Variants in ARMC2 observed in about 807,000 individuals in gnomAD.
The protein encoded by ARMC2 is armadillo repeat containing 2, also known as armadillo repeat-containing protein 2.
A neutral mutation model predicts 90.3 loss-of-function variants in ARMC2; 67 were observed. The observed-to-expected ratio is 0.74, with a 90% CI of 0.61 to 0.91. The LOEUF (loss-of-function observed/expected upper bound fraction) is 0.91, where lower values mean the gene tolerates loss of function less well. ARMC2 is among the 40% of genes least tolerant of loss of function. The pLI is 0.00. For missense variants in ARMC2, 920 were observed against 1,030.9 expected, an observed-to-expected ratio of 0.89 and a Z score of 1.47; for synonymous variants, 393 against 393.0, an observed-to-expected ratio of 1.00 and a Z score of 0.00.
chr6:108,857,149 C>G (rs1261482951), intron 2 of ARMC2, among the ~76,000 whole-genome samples: 1 of 152,136 alleles, frequency 6.6e-6, no homozygotes, highest in African/African-American at 2.4e-5. Context: ...ATCTATAGAT[C>G]AAGTTGGGAA....
intron 5 of ARMC2, among the ~76,000 whole-genome samples, chr6:108,890,444 G>C (rs1376759561): frequency 1.3e-5 from 2 of 152,138 alleles, no homozygotes; most frequent in Admixed American, 1.3e-4. Context: ...AGGAAACCAG[G>C]CTCAGCGCAG....
chr6:108,879,370 C>T (rs535107691), intron 5 of ARMC2, among the ~76,000 whole-genome samples: 41 of 151,144 alleles, frequency 2.7e-4, no homozygotes, highest in African/African-American at 9.7e-4. Flanking sequence ...TACCCATCCA[C>T]CTATCCACCC....
At chr6:108,906,606 G>C (rs2768568) in intron 8 of ARMC2, among the ~76,000 whole-genome samples, 74,493 of 151,726 alleles carry the variant, frequency 0.49, 20,025 homozygotes, top group Admixed American at 0.61. Flanking sequence ...TCAGCCTCCC[G>C]AGGAGCTTAG....
At chr6:108,978,571 A>G (rs927750777), downstream of ARMC2, among the ~76,000 whole-genome samples, 10 of 152,212 alleles carry the variant, frequency 6.6e-5, no homozygotes, top group African/African-American at 2.4e-4. Flanking sequence ...TGTCTCATTG[A>G]TCTTTCTAAT....
chr6:108,904,212 C>T lies in ARMC2; in HGVS notation c.848-18C>T. 3 of 1,611,914 alleles carry T rather than the reference C, an allele frequency of 1.9e-6. No homozygotes were observed. Among genetic ancestry groups the T allele is most frequent in the Non-Finnish European group, 2.5e-6 (3 of 1,179,180 alleles). ...ACCTTAATTAGTAAGTGTTGCTTTA[C>T]TCTCTTTGCTCTGACAGAAGAAAAC... is the stretch of plus-strand genomic sequence containing the variant. On this transcript the variant is annotated intron_variant, in intron 7 of 17. Coordinates refer to ENST00000392644, the MANE Select transcript of ARMC2 (RefSeq NM_032131.6).
At chr6:108,928,345 C>A in intron 11 of ARMC2, 112 bp downstream of exon 11, 1 of 1,147,536 alleles carries the variant, frequency 8.7e-7, no homozygotes, top group Non-Finnish European at 1.2e-6. Flanking sequence ...CTTCTTTTTA[C>A]TTCGCCTACC....
At chr6:108,883,969 A>T (rs577449158) in intron 5 of ARMC2, among the ~76,000 whole-genome samples, 5 of 152,284 alleles carry the variant, frequency 3.3e-5, no homozygotes, top group Non-Finnish European at 7.4e-5. Context: ...TAATTTTTTT[A>T]AAATCTTCTT....
At chr6:108,866,284 A>G (rs1562329739) in intron 3 of ARMC2, among the ~76,000 whole-genome samples, 2 of 152,192 alleles carry the variant, frequency 1.3e-5, no homozygotes, top group African/African-American at 2.4e-5. Context: ...TTCTGTTCCT[A>G]TTAGCTTCAT....
At chr6:109,052,542 T>G in the ARMC2 span, among the ~76,000 whole-genome samples, 44 of 152,326 alleles carry the variant, frequency 2.9e-4, no homozygotes, top group Admixed American at 2.0e-3. Context: ...AATGTTCACT[T>G]AAAGTTTTAA....
chr6:108,886,075 C>T (rs1293495125), intron 5 of ARMC2, among the ~76,000 whole-genome samples: 1 of 152,170 alleles, frequency 6.6e-6, no homozygotes, highest in Non-Finnish European at 1.5e-5. Flanking sequence ...GTGTCTTTTT[C>T]TTATGGCAAG....
At chr6:108,935,434 T>A (rs550618559) in intron 11 of ARMC2, among the ~76,000 whole-genome samples, 29 of 152,208 alleles carry the variant, frequency 1.9e-4, no homozygotes, top group African/African-American at 6.7e-4. Context: ...TGAGTATTTA[T>A]AAGTTTTTTT....
chr6:108,893,815 G>GGC (rs1274772499), intron 5 of ARMC2, among the ~76,000 whole-genome samples: 3 of 151,858 alleles, frequency 2.0e-5, no homozygotes, highest in African/African-American at 7.3e-5. Flanking sequence ...TCAGGAGTTT[G>GGC]AGAACAGCCT....
At chr6:109,014,048 C>T in the ARMC2 span, among the ~76,000 whole-genome samples, 3 of 150,910 alleles carry the variant, frequency 2.0e-5, no homozygotes, top group Non-Finnish European at 4.4e-5. Context: ...AATTATATCA[C>T]TTTAAAGGAG....
intron 13 of ARMC2, among the ~76,000 whole-genome samples, chr6:108,961,043 G>T (rs533285099): frequency 6.6e-6 from 1 of 152,222 alleles, no homozygotes; most frequent in Non-Finnish European, 1.5e-5. Context: ...AGGCAAAAGT[G>T]GAAGAAGAGA....
At position 108,961,940 on chromosome 6, in the gene ARMC2, T is replaced by C. The variant is rs1465212535; in HGVS notation, c.2039-74T>C. 5.4e-6 allele frequency: 6 copies of C among 1,110,322 alleles called. No homozygotes were observed. In the East Asian group the frequency reaches 1.5e-4, roughly 28 times the overall value. 68.8% of individuals were successfully genotyped at this position (1,110,322 alleles called of 1,614,324 possible). A position where few individuals can be genotyped will look rare whatever the true frequency, so the allele number is the denominator to read the frequency against. ...ATTTGAAAATCATCAGTATTAAGTA[T>C]GATGTTGATTTCCATTAACCTTTAA... On this transcript the variant is annotated intron_variant, in intron 14 of 17. Coordinates refer to ENST00000392644, the MANE Select transcript of ARMC2 (RefSeq NM_032131.6).
chr6:108,969,403 CAT>C (rs138986180), intron 17 of ARMC2, among the ~76,000 whole-genome samples: 27,430 of 152,086 alleles, frequency 0.18, 2,848 homozygotes, highest in African/African-American at 0.29. Flanking sequence ...ACCATTGATA[CAT>C]ATTTATATTT....
chr6:109,008,478 AAAGTGTCTTCATTT>A, the ARMC2 span, among the ~76,000 whole-genome samples: 1 of 152,264 alleles, frequency 6.6e-6, no homozygotes, highest in East Asian at 1.9e-4. Context: ...CCTTCATGAC[AAAGTGTCTTCATTT>A]AAGTTTCTAT....
chr6:108,915,937 A>G lies in ARMC2; in HGVS notation c.1350+3379A>G, dbSNP rs188600858. 4.0e-3 allele frequency among the ~76,000 whole-genome samples: 615 copies of G among 152,270 alleles called. 1 individual carries two copies. Among genetic ancestry groups the G allele is most frequent in the Non-Finnish European group, 7.2e-3 (489 of 68,020 alleles). On this transcript the variant is annotated intron_variant, in intron 10 of 17. Coordinates refer to ENST00000392644, the MANE Select transcript of ARMC2 (RefSeq NM_032131.6). ...AGAACGTATCCGTGATACATGACAG[A>G]TTGGAGGGCTAAGATCTCAAACACA...
intron 2 of ARMC2, among the ~76,000 whole-genome samples, chr6:108,855,360 T>C (rs1279534776): frequency 6.6e-6 from 1 of 151,598 alleles, no homozygotes. Context: ...GCCATTCTCC[T>C]GCCTCAGCCT....
Sources: allele counts gnomAD v4.1 joint callset (sites outside exome capture counted in the v4.1 genomes callset), GRCh38; gene constraint gnomAD v4.1.1; transcripts MANE v1.5; gene names NCBI Gene and HGNC (gene_info 2026-07-23, HGNC 2026-07-21).